The following EPHA3 variants were observed in gnomAD, a reference collection of about 807,000 sequenced individuals.
The protein encoded by EPHA3 is ephrin type-A receptor 3.
Under a neutral mutation model 107.1 loss-of-function variants are expected in EPHA3, and 42 were observed. The observed-to-expected ratio is 0.39, with a 90% CI of 0.31 to 0.51. The LOEUF is 0.51. Among genes scored for constraint, EPHA3 ranks in the 20% least tolerant of loss-of-function variants. The pLI is 0.78. For synonymous variants in EPHA3, 461 were observed against 424.8 expected (o/e 1.09, Z -1.05); for missense variants, 1,183 against 1,211.2 (o/e 0.98, Z 0.35).
At chr3:89,330,493 G>A (rs1281874158) in intron 3 of EPHA3, among the ~76,000 whole-genome samples, 1 of 151,898 alleles carries the variant, frequency 6.6e-6, no homozygotes, top group Non-Finnish European at 1.5e-5. Context: ...AATAAAGTGG[G>A]ATGGAAAGCT....
chr3:89,205,024 C>T (rs909194148), intron 2 of EPHA3, among the ~76,000 whole-genome samples: 1 of 152,122 alleles, frequency 6.6e-6, no homozygotes, highest in African/African-American at 2.4e-5. Context: ...AACAATATTG[C>T]TGATGCATTT....
chr3:89,343,157 T>C (rs1415823019), intron 5 of EPHA3, among the ~76,000 whole-genome samples: 1 of 152,162 alleles, frequency 6.6e-6, no homozygotes, highest in African/African-American at 2.4e-5. Flanking sequence ...GGTGACTAAA[T>C]TATCTTATCA....
At chr3:89,241,756 A>T (rs1366897075) in intron 3 of EPHA3, among the ~76,000 whole-genome samples, 1 of 152,192 alleles carries the variant, frequency 6.6e-6, no homozygotes, top group East Asian at 1.9e-4. Flanking sequence ...TCTCATCTGA[A>T]TAGTCTATTA....
rs1029437932 is a variant in EPHA3, at chr3:89,358,846, A to G, written c.1306+16756A>G. 5.9e-5 allele frequency among the ~76,000 whole-genome samples: 9 copies of G among 151,334 alleles called. No individual in the cohort carries two copies. The Admixed American group carries it at 6.0e-4, about 10-fold the overall frequency. ...GTAAATGAAATGCTTTAAGTTATGTACAAATTCGATGATAATTGCATGTGT... is the reference window on the plus strand; with the variant it reads ...GTAAATGAAATGCTTTAAGTTATGTGCAAATTCGATGATAATTGCATGTGT... On this transcript the variant is annotated intron_variant, in intron 5 of 16. Transcript: ENST00000336596.
intron 2 of EPHA3, among the ~76,000 whole-genome samples, chr3:89,187,180 CCTTT>C (rs1705586583): frequency 1.3e-5 from 2 of 148,554 alleles, no homozygotes; most frequent in Non-Finnish European, 3.0e-5. Flanking sequence ...GTATAAAAGC[CCTTT>C]CTTATTACAT....
intron 16 of EPHA3, among the ~76,000 whole-genome samples, chr3:89,478,630 C>T (rs550087644): frequency 3.9e-5 from 6 of 152,106 alleles, no homozygotes; most frequent in African/African-American, 1.4e-4. Flanking sequence ...CTCTAGAGCC[C>T]CCAGAGAGGA....
At chr3:89,254,895 T>G (rs1705245622) in intron 3 of EPHA3, among the ~76,000 whole-genome samples, 1 of 152,218 alleles carries the variant, frequency 6.6e-6, no homozygotes, top group Non-Finnish European at 1.5e-5. Context: ...TTGTTTTAAA[T>G]AGCATTCAGT....
intron 2 of EPHA3, among the ~76,000 whole-genome samples, chr3:89,180,075 G>A (rs1395355092): frequency 6.6e-6 from 1 of 151,546 alleles, no homozygotes; most frequent in Non-Finnish European, 1.5e-5. Flanking sequence ...AGTTGAGGGT[G>A]TTTAGAAAAC....
rs554171133 is a variant in EPHA3, at chr3:89,400,303, A to G, written c.1594+823A>G. 1.0e-3 allele frequency: 165 copies of G among 164,470 alleles called. 1 individual carries two copies. The South Asian group carries it at 0.017, about 17-fold the overall frequency. 10.2% of individuals were successfully genotyped at this position (164,470 alleles called of 1,614,324 possible). A position where few individuals can be genotyped will look rare whatever the true frequency, so the allele number is the denominator to read the frequency against. On this transcript the variant is annotated intron_variant, in intron 7 of 16. Transcript: ENST00000336596. ...CCTGCAAGCTCCGCCTCCTGGCTTCACGCCATTCTCCCCCTCAGCCTCCCG... is the reference window on the plus strand; with the variant it reads ...CCTGCAAGCTCCGCCTCCTGGCTTCGCGCCATTCTCCCCCTCAGCCTCCCG...
At chr3:89,180,703 C>T (rs1183939851) in intron 2 of EPHA3, among the ~76,000 whole-genome samples, 1 of 151,858 alleles carries the variant, frequency 6.6e-6, no homozygotes, top group South Asian at 2.1e-4. Flanking sequence ...TTGACTCCAG[C>T]TTTGTCATTT....
At chr3:89,374,898 C>T (rs778735455) in intron 5 of EPHA3, among the ~76,000 whole-genome samples, 1 of 151,616 alleles carries the variant, frequency 6.6e-6, no homozygotes, top group Non-Finnish European at 1.5e-5. Context: ...AAAAGTAATG[C>T]CACTAAACCT....
chr3:89,381,234 A>C (rs1708499784), intron 5 of EPHA3, among the ~76,000 whole-genome samples: 1 of 151,640 alleles, frequency 6.6e-6, no homozygotes. Flanking sequence ...GGCCTCCCAG[A>C]GTGCTGGGAT....
intron 2 of EPHA3, among the ~76,000 whole-genome samples, chr3:89,131,368 G>A (rs1431668591): frequency 3.9e-5 from 6 of 152,044 alleles, no homozygotes; most frequent in Non-Finnish European, 8.8e-5. Flanking sequence ...ACATATCAAA[G>A]CCTCTATATA....
At chr3:89,152,959 C>G (rs998703723) in intron 2 of EPHA3, among the ~76,000 whole-genome samples, 2 of 152,024 alleles carry the variant, frequency 1.3e-5, no homozygotes, top group Admixed American at 6.6e-5. Flanking sequence ...TTTTTGTCTA[C>G]TATTTCATAA....
chr3:89,146,714 GC>G lies in EPHA3; in HGVS notation c.153+19444del, dbSNP rs540598396. ...TTGGTGTTTTAGTCATGAAGTCTTTGCCCATGCCTATGTCCTGAATGGTATT... is the reference window on the plus strand; with the variant it reads ...TTGGTGTTTTAGTCATGAAGTCTTTGCCATGCCTATGTCCTGAATGGTATT... On this transcript the variant is annotated intron_variant, in intron 2 of 16. Coordinates refer to ENST00000336596, the MANE Select transcript of EPHA3 (RefSeq NM_005233.6). Among the ~76,000 whole-genome samples, 1,305 of 151,962 alleles carry G rather than the reference GC, an allele frequency of 8.6e-3. 9 individuals are homozygous for G. The highest frequency in any genetic ancestry group is 0.027 in the East Asian group (139 of 5,126).
intron 2 of EPHA3, among the ~76,000 whole-genome samples, chr3:89,181,131 T>C (rs1164195079): frequency 9.9e-5 from 15 of 152,144 alleles, no homozygotes; most frequent in Non-Finnish European, 1.5e-4. Context: ...TAGTTTTATT[T>C]AAATGACTTT....
rs372985114 is a variant in EPHA3, at chr3:89,128,067, A to C, written c.153+794A>C. On this transcript the variant is annotated intron_variant, in intron 2 of 16. Transcript: ENST00000336596. ...TAGTTTGTGAAATATGTGAAGTACT[A>C]TTTTGAAATATTTGTCATAGGAACA... 1.4e-3 allele frequency among the ~76,000 whole-genome samples: 212 copies of C among 152,198 alleles called. 2 individuals carry two copies. Among genetic ancestry groups the C allele is most frequent in the African/African-American group, 4.8e-3 (199 of 41,546 alleles).
At chr3:89,267,794 A>G (rs1416352156) in intron 3 of EPHA3, among the ~76,000 whole-genome samples, 1 of 152,182 alleles carries the variant, frequency 6.6e-6, no homozygotes, top group Non-Finnish European at 1.5e-5. Context: ...AGAATAAATG[A>G]AGGCCAAACT....
chr3:89,405,231 T>C (rs1003059503), intron 7 of EPHA3, among the ~76,000 whole-genome samples: 9 of 152,066 alleles, frequency 5.9e-5, no homozygotes, highest in African/African-American at 1.9e-4. Flanking sequence ...GCCAAGCCGA[T>C]GGGGAGTTTC....
Sources: allele counts gnomAD v4.1 joint callset (sites outside exome capture counted in the v4.1 genomes callset), GRCh38; gene constraint gnomAD v4.1.1; transcripts MANE v1.5; gene names NCBI Gene and HGNC (gene_info 2026-07-23, HGNC 2026-07-21).